Variants in SPAG16 observed in about 807,000 individuals in gnomAD.
The protein encoded by SPAG16 is sperm-associated antigen 16 protein.
SPAG16 carries 86 observed loss-of-function variants against 80.4 expected under a neutral mutation model. The ratio of observed to expected loss-of-function variants is 1.07; its 90% CI spans 0.90 to 1.28. The LOEUF (loss-of-function observed/expected upper bound fraction) is 1.28, where lower values mean the gene tolerates loss of function less well. SPAG16 is among the 50% of genes most tolerant of loss of function. The probability of loss-of-function intolerance (pLI) is 0.00; values close to 1 mark genes in which losing one functional copy is unlikely to be tolerated. For synonymous variants in SPAG16, 294 were observed against 265.9 expected, an observed-to-expected ratio of 1.11 and a Z score of -1.03; for missense variants, 870 against 765.3, an observed-to-expected ratio of 1.14 and a Z score of -1.61.
chr2:213,288,641 T>G (rs2062148510), intron 1 of SPAG16, among the ~76,000 whole-genome samples: 1 of 152,096 alleles, frequency 6.6e-6, no homozygotes, highest in South Asian at 2.1e-4. Context: ...TGTATGGTTT[T>G]TAACTTTTTT....
rs533186766 is a variant in SPAG16, at chr2:213,644,377, A to G, written c.1070+154287A>G. 1.9e-3 allele frequency among the ~76,000 whole-genome samples: 285 copies of G among 152,082 alleles called. 1 individual carries two copies. The highest frequency in any genetic ancestry group is 6.7e-3 in the African/African-American group (277 of 41,486). On this transcript the variant is annotated intron_variant, in intron 10 of 15. Transcript: ENST00000331683. ...CTTATTTAGTTTATTTGGTGAGGTC[A>G]TGTTTTCCTGGATAGTGTTGATGCT...
At chr2:214,341,016 CAGAG>C (rs1250194390) in intron 15 of SPAG16, among the ~76,000 whole-genome samples, 6 of 152,088 alleles carry the variant, frequency 3.9e-5, no homozygotes, top group Non-Finnish European at 8.8e-5. Context: ...CATTGGAAAA[CAGAG>C]AGATCTTTTA....
At chr2:213,613,685 T>G (rs1380678037) in intron 10 of SPAG16, among the ~76,000 whole-genome samples, 1 of 152,190 alleles carries the variant, frequency 6.6e-6, no homozygotes, top group African/African-American at 2.4e-5. Context: ...AGGTTTATTG[T>G]TCTCTGCCTC....
intron 15 of SPAG16, among the ~76,000 whole-genome samples, chr2:214,346,734 T>C (rs1005153025): frequency 2.6e-5 from 4 of 152,206 alleles, no homozygotes; most frequent in African/African-American, 7.2e-5. Context: ...AAAGGGGCCA[T>C]GTGTAAGCAC....
chr2:213,586,920 G>A (rs1389742046), intron 10 of SPAG16, among the ~76,000 whole-genome samples: 1 of 152,176 alleles, frequency 6.6e-6, no homozygotes, highest in Admixed American at 6.5e-5. Flanking sequence ...TCATAGCCCT[G>A]CCCACATGGC....
At chr2:213,866,124 C>CA (rs1335136890) in intron 11 of SPAG16, among the ~76,000 whole-genome samples, 2 of 146,390 alleles carry the variant, frequency 1.4e-5, no homozygotes, top group Non-Finnish European at 3.0e-5. Context: ...AGAAACTTAC[C>CA]AAAAAGAAAG....
At chr2:213,346,841 CT>C (rs143136815) in intron 6 of SPAG16, among the ~76,000 whole-genome samples, 145,965 of 150,530 alleles carry the variant, frequency 0.97, 70,861 homozygotes, top group South Asian at 1. Flanking sequence ...CTAAAATTCT[CT>C]TTTTTTTTTT....
chr2:213,907,374 A>C (rs1031354560), intron 11 of SPAG16, among the ~76,000 whole-genome samples: 9 of 152,196 alleles, frequency 5.9e-5, no homozygotes, highest in African/African-American at 1.7e-4. Flanking sequence ...AAGAGAACAA[A>C]ATAAAAATGC....
At chr2:214,167,201 C>T (rs949309554) in intron 15 of SPAG16, among the ~76,000 whole-genome samples, 4 of 152,132 alleles carry the variant, frequency 2.6e-5, no homozygotes, top group African/African-American at 7.2e-5. Context: ...TCCCTCCTTC[C>T]TCTCTCCCTC....
chr2:214,085,288 C>T (rs1214845227), intron 13 of SPAG16, among the ~76,000 whole-genome samples: 1 of 151,182 alleles, frequency 6.6e-6, no homozygotes, highest in Non-Finnish European at 1.5e-5. Context: ...GGGAGAATCA[C>T]TTGAACCCAG....
At chr2:213,677,311 A>T (rs924641983) in intron 10 of SPAG16, among the ~76,000 whole-genome samples, 5 of 152,212 alleles carry the variant, frequency 3.3e-5, no homozygotes, top group African/African-American at 9.7e-5. Flanking sequence ...CAATTAAAAG[A>T]CACAGACTGG....
At chr2:214,117,643 A>G (rs553757591) in intron 14 of SPAG16, among the ~76,000 whole-genome samples, 1 of 152,336 alleles carries the variant, frequency 6.6e-6, no homozygotes, top group East Asian at 1.9e-4. Flanking sequence ...AGCACATCGA[A>G]AAGATCATTC....
chr2:213,482,530 C>A (rs2073797679), intron 9 of SPAG16, among the ~76,000 whole-genome samples: 1 of 151,928 alleles, frequency 6.6e-6, no homozygotes. Flanking sequence ...TATAATGATT[C>A]TTCTAATTTT....
intron 10 of SPAG16, among the ~76,000 whole-genome samples, chr2:213,636,881 A>G (rs1337844858): frequency 6.6e-6 from 1 of 152,198 alleles, no homozygotes; most frequent in African/African-American, 2.4e-5. Flanking sequence ...TTCTAGGTGT[A>G]TGAACCTAAA....
chr2:213,371,376 A>C (rs1222693787), intron 8 of SPAG16, among the ~76,000 whole-genome samples: 1 of 130,428 alleles, frequency 7.7e-6, no homozygotes, highest in Non-Finnish European at 1.6e-5. Context: ...CCAGCCTGGC[A>C]ACACAGCAAG....
At chr2:213,391,038 G>T (rs1331262414) in intron 9 of SPAG16, among the ~76,000 whole-genome samples, 2 of 152,186 alleles carry the variant, frequency 1.3e-5, no homozygotes, top group Non-Finnish European at 2.9e-5. Context: ...GGGAGGCCAA[G>T]GTGGGTGGAT....
intron 10 of SPAG16, among the ~76,000 whole-genome samples, chr2:213,757,642 G>C (rs1279311634): frequency 6.6e-6 from 1 of 152,056 alleles, no homozygotes; most frequent in Non-Finnish European, 1.5e-5. Context: ...CTTGCATGGC[G>C]AATTATGATT....
At chr2:214,386,987 A>C (rs1229195744) in intron 15 of SPAG16, among the ~76,000 whole-genome samples, 1 of 152,000 alleles carries the variant, frequency 6.6e-6, no homozygotes, top group African/African-American at 2.4e-5. Flanking sequence ...CTCCAAACCC[A>C]ATTAATTTAA....
At chr2:214,223,908 G>C (rs1404135271) in intron 15 of SPAG16, among the ~76,000 whole-genome samples, 1 of 152,172 alleles carries the variant, frequency 6.6e-6, no homozygotes, top group Non-Finnish European at 1.5e-5. Context: ...GCTGACCAAA[G>C]GAAGAGATGT....
Sources: gnomAD v4.1 joint callset for allele counts (sites outside exome capture counted in the v4.1 genomes callset) on GRCh38, gnomAD v4.1.1 for gene constraint, MANE v1.5 for transcripts, NCBI Gene and HGNC (gene_info 2026-07-23, HGNC 2026-07-21) for gene names.